The following CCNQ variants were observed in gnomAD, a reference collection of about 807,000 sequenced individuals.
CCNQ encodes the protein cyclin Q.
CCNQ carries 3 observed loss-of-function variants against 17.7 expected under a neutral mutation model. The observed-to-expected ratio is 0.17, with a 90% CI of 0.08 to 0.44. CCNQ has a LOEUF of 0.44. Ranked by LOEUF, CCNQ falls within the 20% of genes least tolerant of loss-of-function variation. The pLI, the probability that CCNQ is intolerant of heterozygous loss-of-function variation, is 0.99. For synonymous variants in CCNQ, 73 were observed against 96.0 expected, an observed-to-expected ratio of 0.76 and a Z score of 1.40; for missense variants, 146 against 222.6, an observed-to-expected ratio of 0.66 and a Z score of 2.19.
At chrX:153,591,662 C>T (rs1557025824) in intron 4 of CCNQ, among the ~76,000 whole-genome samples, 1 of 111,013 alleles carries the variant, frequency 9.0e-6, no homozygotes, top group African/African-American at 3.3e-5. Flanking sequence ...CCCTGAGCAG[C>T]CCGAGCGTGG....
Position 153,598,980 on chromosome X carries a change from T to C in CCNQ, c.94A>G (p.Arg32Gly). The C allele has an allele frequency of 4.4e-6, 5 of 1,138,643 alleles. No individual in the cohort carries two copies. The highest frequency in any genetic ancestry group is 5.8e-6 in the Non-Finnish European group (5 of 860,754). The allele number at this position is 1,138,643 out of a possible 1,213,427, so 93.8% of individuals were successfully genotyped here. A position where few individuals can be genotyped will look rare whatever the true frequency, so the allele number is the denominator to read the frequency against. ...CGGTTACCTGCCTCCATGATGAACC[T>C]CGCCACTCGGAAGTGCACCCTGGCT... ...PEARVHFRVA[R>G]FIMEAGVKLG... The change falls in exon 1 of 5, where the codon AGG becomes GGG. Residue 32 changes from arginine to glycine, a missense_variant. Transcript: ENST00000576892.
chrX:153,592,065 T>C (rs2090995276), intron 4 of CCNQ, among the ~76,000 whole-genome samples: 1 of 111,209 alleles, frequency 9.0e-6, no homozygotes, highest in Admixed American at 9.6e-5. Context: ...CCCGCCACCC[T>C]GCCCATCAGC....
rs782771144 is a variant in CCNQ at position 153,595,965 on chromosome X, C to T, written c.296+39G>A. ...AGGAGCCTTCCCTGCCCGTCCCCCC[C>T]ACCGGGTGGAGATCAGGAGCCCAGC... is the stretch of plus-strand genomic sequence containing the variant. On this transcript the variant is annotated intron_variant, in intron 2 of 4. Coordinates refer to ENST00000576892, the MANE Select transcript of CCNQ (RefSeq NM_152274.5). 18 of 1,204,979 alleles carry T rather than the reference C, an allele frequency of 1.5e-5. No individual in the cohort carries two copies. The Admixed American group carries it at 2.8e-4, about 19-fold the overall frequency.
chrX:153,599,137 G>T lies in CCNQ; in HGVS notation c.-64C>A, dbSNP rs1419878030. ...GCGCGCAGAAGCCGGCAGAACTGGA[G>T]GTGCTCGCGGCGGGCGCTGCCGCCC... is the stretch of plus-strand genomic sequence containing the variant. On this transcript the variant is annotated 5_prime_UTR_variant, in exon 1 of 5. Transcript: ENST00000576892. 9.7e-5 allele frequency: 53 copies of T among 544,774 alleles called. No homozygotes were observed. Among genetic ancestry groups the T allele is most frequent in the Non-Finnish European group, 1.2e-4 (51 of 437,374 alleles). 44.9% of individuals were successfully genotyped at this position (544,774 alleles called of 1,213,427 possible). A position where few individuals can be genotyped will look rare whatever the true frequency, so the allele number is the denominator to read the frequency against.
At position 153,599,109 on chromosome X, in the gene CCNQ, C is replaced by T. The variant is rs1289485432; in HGVS notation, c.-36G>A. On this transcript the variant is annotated 5_prime_UTR_variant, in exon 1 of 5. Coordinates refer to ENST00000576892, the MANE Select transcript of CCNQ (RefSeq NM_152274.5). ...GGCACCGGCGGAAGGAGAGGCGGCC[C>T]CGGCGCGCAGAAGCCGGCAGAACTG... 2 of 805,949 alleles carry T rather than the reference C, an allele frequency of 2.5e-6. No homozygotes were observed. The highest frequency in any genetic ancestry group is 6.1e-5 in the Admixed American group (1 of 16,484). The allele number at this position is 805,949 out of a possible 1,213,427, so 66.4% of individuals were successfully genotyped here.
chrX:153,590,654 C>T (rs2090985332), intron 4 of CCNQ, among the ~76,000 whole-genome samples: 2 of 112,020 alleles, frequency 1.8e-5, no homozygotes, highest in African/African-American at 3.2e-5. Context: ...AAATGGTGAA[C>T]GTGGTACAAT....
chrX:153,595,845 G>A (rs1395936355), intron 2 of CCNQ, among the ~76,000 whole-genome samples, 159 bp downstream of exon 2: 1 of 112,355 alleles, frequency 8.9e-6, no homozygotes, highest in Non-Finnish European at 1.9e-5. Flanking sequence ...TCCTTCTCAC[G>A]TTTGCTGCTA....
intron 1 of CCNQ, 126 bp from the exon 2 acceptor site, chrX:153,596,313 C>A (rs2091028213): frequency 1.4e-6 from 1 of 731,155 alleles, no homozygotes; most frequent in East Asian, 3.4e-5. Context: ...GAACTTCCAG[C>A]AGAGCCAGTG....
intron 4 of CCNQ, among the ~76,000 whole-genome samples, chrX:153,588,972 T>C (rs1429111630): frequency 8.8e-6 from 1 of 113,138 alleles, no homozygotes; most frequent in African/African-American, 3.2e-5. Flanking sequence ...TCGGGGCCCA[T>C]GGCAGGAGGG....
intron 4 of CCNQ, among the ~76,000 whole-genome samples, chrX:153,591,674 G>T (rs1157345081): frequency 9.0e-6 from 1 of 110,794 alleles, no homozygotes; most frequent in Non-Finnish European, 1.9e-5. Context: ...CGAGCGTGGG[G>T]CAACACTGTC....
In CCNQ at chrX:153,592,613, G is replaced by C; in HGVS notation, c.550C>G (p.Leu184Val). The change falls in exon 4 of 5, where the codon CTC (leucine) becomes GTC (valine). Residue 184 changes from leucine (L) to valine (V), a missense_variant. Coordinates refer to ENST00000576892, the MANE Select transcript of CCNQ (RefSeq NM_152274.5). Reference protein sequence around the residue: ...LRDSYHGALCLRFQAQHIAVA... With the variant: ...LRDSYHGALCVRFQAQHIAVA... ...GCGATGTGCTGGGCCTGGAAGCGGA[G>C]GCACAGCGCCCCATGGTAGCTGTCC... 8.3e-7 allele frequency: 1 copy of C among 1,211,333 alleles called. No homozygotes were observed. The highest frequency in any genetic ancestry group is 1.1e-6 in the Non-Finnish European group (1 of 895,148).
At position 153,594,543 on chromosome X, in the gene CCNQ, G is replaced by A; in HGVS notation, c.429+4C>T. ...CAAACAGGCACCAGTTCCCCAGTAT[G>A]TACCTTGTGTGGATGCTGGAAGGAG... On this transcript the variant is annotated splice_donor_region_variant and intron_variant, in intron 3 of 4. Coordinates refer to ENST00000576892, the MANE Select transcript of CCNQ (RefSeq NM_152274.5). 8.3e-7 allele frequency: 1 copy of A among 1,210,353 alleles called. No homozygotes were observed. Among genetic ancestry groups the A allele is most frequent in the Non-Finnish European group, 1.1e-6 (1 of 895,211 alleles).
At chrX:153,589,967 C>T (rs1557025387) in intron 4 of CCNQ, among the ~76,000 whole-genome samples, 2 of 111,244 alleles carry the variant, frequency 1.8e-5, no homozygotes, top group Non-Finnish European at 3.8e-5. Context: ...GTGGCTCACG[C>T]TTGTAATCCC....
chrX:153,597,844 C>T (rs891233038), intron 1 of CCNQ: 6 of 111,484 alleles, frequency 5.4e-5, no homozygotes, highest in Admixed American at 9.6e-5. Context: ...ACTGACATGA[C>T]CTTCCAAGCT....
At chrX:153,598,123 T>C (rs1557027473) in intron 1 of CCNQ, among the ~76,000 whole-genome samples, 2 of 111,056 alleles carry the variant, frequency 1.8e-5, no homozygotes, top group Non-Finnish European at 3.8e-5. Flanking sequence ...CCTATCAAGA[T>C]ACTGTTGATG....
chrX:153,596,784 A>G (rs187257831), intron 1 of CCNQ, among the ~76,000 whole-genome samples: 4 of 112,435 alleles, frequency 3.6e-5, no homozygotes, highest in Admixed American at 9.4e-5. Context: ...TGCATTGCAG[A>G]GAAAAGGCAA....
intron 4 of CCNQ, among the ~76,000 whole-genome samples, chrX:153,591,884 G>A (rs782166009): frequency 3.8e-4 from 41 of 108,030 alleles, no homozygotes; most frequent in African/African-American, 1.4e-3. Context: ...CAATAAACAC[G>A]CAAAAATCAG....
chrX:153,598,903 C>T (rs1333925391), intron 1 of CCNQ, 59 bp downstream of exon 1: 3 of 907,602 alleles, frequency 3.3e-6, no homozygotes, highest in Non-Finnish European at 4.3e-6. Flanking sequence ...GCCAGCCGGG[C>T]CCGCTCCGCG....
intron 2 of CCNQ, 120 bp from the exon 3 acceptor site, chrX:153,594,799 T>C: frequency 1.3e-6 from 1 of 764,257 alleles, no homozygotes; most frequent in African/African-American, 2.1e-5. Context: ...TGCAGATTCA[T>C]GGAGGGTCAT....
Sources: gnomAD v4.1 joint callset for allele counts (sites outside exome capture counted in the v4.1 genomes callset) on GRCh38, gnomAD v4.1.1 for gene constraint, MANE v1.5 for transcripts, NCBI Gene and HGNC (gene_info 2026-07-23, HGNC 2026-07-21) for gene names.